Variants in TSPAN5 observed in about 807,000 individuals in gnomAD.
TSPAN5 encodes the protein tetraspanin-5.
TSPAN5 carries 10 observed loss-of-function variants against 37.1 expected under a neutral mutation model. The ratio of observed to expected loss-of-function variants is 0.27; its 90% confidence interval spans 0.17 to 0.46. The LOEUF (loss-of-function observed/expected upper bound fraction) is 0.46, where lower values mean the gene tolerates loss of function less well. Among genes scored for constraint, TSPAN5 ranks in the 20% least tolerant of loss-of-function variants. TSPAN5 has a pLI of 1.00. For synonymous variants in TSPAN5, 110 were observed against 118.9 expected (o/e 0.93, Z 0.48); for missense variants, 195 against 326.6 (o/e 0.60, Z 3.11).
In TSPAN5 at chr4:98,622,203, A is replaced by C. The variant is rs527557614; in HGVS notation, c.81+35943T>G. Among the ~76,000 whole-genome samples, 10 of 152,208 alleles carry C rather than the reference A, an allele frequency of 6.6e-5. No homozygotes were observed. In the South Asian group the frequency reaches 8.3e-4, roughly 13 times the overall value. ...CAAATGATTCTCGTGCCTCAGCCTC[A>C]CAAGTAGCTGGGATTACAGGTGCCC... On this transcript the variant is annotated intron_variant, in intron 1 of 7. Coordinates refer to ENST00000305798, the MANE Select transcript of TSPAN5 (RefSeq NM_005723.4).
chr4:98,587,315 T>C (rs1755513844), intron 1 of TSPAN5, among the ~76,000 whole-genome samples: 1 of 152,146 alleles, frequency 6.6e-6, no homozygotes, highest in Admixed American at 6.6e-5. Context: ...TTAAACCCCG[T>C]GGTATCCAGA....
At chr4:98,484,726 C>A (rs974010154) in intron 3 of TSPAN5, 1 of 384,170 alleles carries the variant, frequency 2.6e-6, no homozygotes, top group African/African-American at 2.1e-5. Context: ...TTCTGGGAGG[C>A]TGAGCAAGGT....
chr4:98,478,889 C>T lies in TSPAN5; in HGVS notation c.451-79G>A, dbSNP rs150865983. On this transcript the variant is annotated intron_variant, in intron 4 of 7. Transcript: ENST00000305798. ...CTACACTCACACCCGCCGAACGACACCAGCTTCTGCCAGCTCTGACCTTCT... is the reference window on the plus strand; with the variant it reads ...CTACACTCACACCCGCCGAACGACATCAGCTTCTGCCAGCTCTGACCTTCT... The T allele has an allele frequency of 2.2e-3, 3,292 of 1,525,616 alleles. 6 individuals are homozygous for T. The highest frequency in any genetic ancestry group is 2.2e-3 in the South Asian group (193 of 86,888). 94.5% of individuals were successfully genotyped at this position (1,525,616 alleles called of 1,614,324 possible).
chr4:98,549,377 A>C (rs184677525), intron 1 of TSPAN5, among the ~76,000 whole-genome samples: 177 of 151,314 alleles, frequency 1.2e-3, no homozygotes, highest in African/African-American at 4.3e-3. Context: ...ATTTCGGCTC[A>C]CTGCAACCTC....
At chr4:98,616,282 T>C (rs989844922) in intron 1 of TSPAN5, among the ~76,000 whole-genome samples, 3 of 152,044 alleles carry the variant, frequency 2.0e-5, no homozygotes, top group Non-Finnish European at 4.4e-5. Flanking sequence ...TGACCCCTTA[T>C]GAAGAAAACT....
Position 98,509,499 on chromosome 4 carries a change from T to C in TSPAN5, c.82-1771A>G, listed in dbSNP as rs571427216. Among the ~76,000 whole-genome samples, 28 of 152,292 alleles carry C rather than the reference T, an allele frequency of 1.8e-4. No homozygotes were observed. In the South Asian group the frequency reaches 5.2e-3, roughly 28 times the overall value. On this transcript the variant is annotated intron_variant, in intron 1 of 7. Transcript: ENST00000305798. ...CGAAGCTCTCGACACTCATCTGACA[T>C]TGAAGCAAGACAACACACAATACAT...
At chr4:98,503,383 C>T (rs890139419) in intron 2 of TSPAN5, among the ~76,000 whole-genome samples, 1 of 152,132 alleles carries the variant, frequency 6.6e-6, no homozygotes, top group African/African-American at 2.4e-5. Context: ...ACAAGGGGCT[C>T]CAGCCCACAT....
chr4:98,478,155 C>G (rs1228193988), intron 5 of TSPAN5, among the ~76,000 whole-genome samples: 1 of 152,152 alleles, frequency 6.6e-6, no homozygotes, highest in Admixed American at 6.5e-5. Flanking sequence ...ACACAGCAGT[C>G]CAGGCCTATC....
chr4:98,508,345 G>A (rs998790708), intron 1 of TSPAN5, among the ~76,000 whole-genome samples: 4 of 152,052 alleles, frequency 2.6e-5, no homozygotes, highest in African/African-American at 9.7e-5. Context: ...ACAACTTCAT[G>A]CATACACAGA....
intron 1 of TSPAN5, among the ~76,000 whole-genome samples, chr4:98,569,723 G>A (rs1486334745): frequency 6.6e-6 from 1 of 152,224 alleles, no homozygotes; most frequent in Non-Finnish European, 1.5e-5. Context: ...GCAAGACAGA[G>A]AAGAAAATTT....
At chr4:98,619,198 T>A (rs1212774520) in intron 1 of TSPAN5, among the ~76,000 whole-genome samples, 3 of 152,208 alleles carry the variant, frequency 2.0e-5, no homozygotes, top group African/African-American at 7.2e-5. Context: ...TAATTCTGCT[T>A]ATCTCTTTTG....
At chr4:98,601,144 T>C (rs575297505) in intron 1 of TSPAN5, among the ~76,000 whole-genome samples, 17 of 152,340 alleles carry the variant, frequency 1.1e-4, no homozygotes, top group African/African-American at 4.1e-4. Context: ...TCATCTGGGC[T>C]TTGTTGTTCC....
At chr4:98,633,254 G>A (rs1389762522) in intron 1 of TSPAN5, among the ~76,000 whole-genome samples, 1 of 152,186 alleles carries the variant, frequency 6.6e-6, no homozygotes, top group Non-Finnish European at 1.5e-5. Context: ...AAAATCCCTT[G>A]CAAGGTAATG....
At chr4:98,562,532 A>G (rs1378137144) in intron 1 of TSPAN5, among the ~76,000 whole-genome samples, 1 of 152,060 alleles carries the variant, frequency 6.6e-6, no homozygotes, top group Non-Finnish European at 1.5e-5. Context: ...GTGGTGGGGC[A>G]TGCCTGTAGT....
At chr4:98,642,313 C>CTTAAA (rs1756974589) in intron 1 of TSPAN5, among the ~76,000 whole-genome samples, 1 of 152,134 alleles carries the variant, frequency 6.6e-6, no homozygotes, top group Non-Finnish European at 1.5e-5. Context: ...AACTTTAAAA[C>CTTAAA]TGGATTTTAA....
At chr4:98,489,255 G>C (rs1401608681) in intron 2 of TSPAN5, among the ~76,000 whole-genome samples, 1 of 152,162 alleles carries the variant, frequency 6.6e-6, no homozygotes, top group Non-Finnish European at 1.5e-5. Context: ...AGCCTAGCTG[G>C]GAAAGGTGAC....
intron 1 of TSPAN5, among the ~76,000 whole-genome samples, chr4:98,643,188 A>G (rs1756994203): frequency 6.6e-6 from 1 of 152,120 alleles, no homozygotes; most frequent in Non-Finnish European, 1.5e-5. Flanking sequence ...GTATGTTTAG[A>G]TACACAAATA....
intron 1 of TSPAN5, among the ~76,000 whole-genome samples, chr4:98,536,252 C>A (rs1161496341): frequency 6.6e-6 from 1 of 152,074 alleles, no homozygotes; most frequent in East Asian, 1.9e-4. Context: ...GTTAGTTTTC[C>A]TTTTGGCAGT....
intron 1 of TSPAN5, among the ~76,000 whole-genome samples, chr4:98,510,512 G>A (rs1476792414): frequency 1.3e-5 from 2 of 152,142 alleles, no homozygotes; most frequent in East Asian, 3.9e-4. Context: ...GAAATTCAAT[G>A]GTGGGTCCAC....
Sources: allele counts gnomAD v4.1 joint callset (sites outside exome capture counted in the v4.1 genomes callset), GRCh38; gene constraint gnomAD v4.1.1; transcripts MANE v1.5; gene names NCBI Gene and HGNC (gene_info 2026-07-23, HGNC 2026-07-21).